SLC25A48: variants seen among roughly 807,000 people sequenced by gnomAD.
SLC25A48 encodes solute carrier family 25 member 48, also known as CTC-321K16.1.
A neutral mutation model predicts 32.2 loss-of-function variants in SLC25A48; 29 were observed. The ratio of observed to expected loss-of-function variants is 0.90; its 90% CI spans 0.67 to 1.23. SLC25A48 has a LOEUF of 1.23. Ranked by LOEUF, SLC25A48 falls within the 50% of genes most tolerant of loss-of-function variation. The pLI is 0.00. For synonymous variants in SLC25A48, 164 were observed against 172.3 expected, an observed-to-expected ratio of 0.95 and a Z score of 0.38; for missense variants, 399 against 422.7, an observed-to-expected ratio of 0.94 and a Z score of 0.49.
Position 135,822,598 on chromosome 5 carries a change from G to T in SLC25A48, c.-117+9672G>T, listed in dbSNP as rs576666730. On this transcript the variant is annotated intron_variant, in intron 4 of 10. Transcript: ENST00000646290. ...AATTTCCCTCATCTTATAGGGACAAGCCATTGGATTTAGGGCCCACCCTGA... is the reference window on the plus strand; with the variant it reads ...AATTTCCCTCATCTTATAGGGACAATCCATTGGATTTAGGGCCCACCCTGA... 3.9e-5 allele frequency among the ~76,000 whole-genome samples: 6 copies of T among 152,246 alleles called. No homozygotes were observed. In the South Asian group the frequency reaches 8.3e-4, roughly 21 times the overall value.
chr5:135,836,557 C>T (rs1758525538), intron 1 of SLC25A48, among the ~76,000 whole-genome samples: 1 of 152,110 alleles, frequency 6.6e-6, no homozygotes, highest in African/African-American at 2.4e-5. Flanking sequence ...GAGGTGCAAC[C>T]ATCACCATAA....
chr5:135,823,155 C>T lies in SLC25A48; in HGVS notation c.-117+10229C>T, dbSNP rs1019647226. On this transcript the variant is annotated intron_variant, in intron 4 of 10. Transcript: ENST00000646290. ...AAGGCCCAGGGGCTAGGGTGGGAGT[C>T]GGGAAGGCCAGGGTGGGATTCACGA... is the stretch of plus-strand genomic sequence containing the variant. Among the ~76,000 whole-genome samples the T allele has an allele frequency of 1.6e-4, 25 of 152,096 alleles. No individual in the cohort carries two copies. The Middle Eastern group carries it at 0.01, about 62-fold the overall frequency.
At chr5:135,705,991 C>T (rs2126970046) in intron 3 of SLC25A48, among the ~76,000 whole-genome samples, 1 of 152,326 alleles carries the variant, frequency 6.6e-6, no homozygotes, top group Non-Finnish European at 1.5e-5. Flanking sequence ...GAGTCTCTCA[C>T]CTGTAACTGC....
chr5:135,876,934 T>G (rs1762107943), intron 6 of SLC25A48, among the ~76,000 whole-genome samples: 1 of 152,188 alleles, frequency 6.6e-6, no homozygotes, highest in Admixed American at 6.5e-5. Context: ...CATTCTTGAC[T>G]GTGGCTCGCA....
intron 3 of SLC25A48, among the ~76,000 whole-genome samples, chr5:135,724,542 C>T (rs190120946): frequency 2.2e-3 from 332 of 152,364 alleles, no homozygotes; most frequent in Non-Finnish European, 3.8e-3. Flanking sequence ...GCCAGCCTTC[C>T]TCCACCCCAC....
intron 3 of SLC25A48, among the ~76,000 whole-genome samples, chr5:135,661,219 C>T (rs1753387140): frequency 6.6e-6 from 1 of 152,220 alleles, no homozygotes; most frequent in African/African-American, 2.4e-5. Flanking sequence ...CCTGCAGCTG[C>T]CTCTCTTCCT....
intron 3 of SLC25A48, among the ~76,000 whole-genome samples, chr5:135,669,863 T>C (rs754529399): frequency 6.6e-6 from 1 of 152,214 alleles, no homozygotes; most frequent in Non-Finnish European, 1.5e-5. Flanking sequence ...TCCCCTCCTA[T>C]GCTGAGGAGG....
intron 3 of SLC25A48, among the ~76,000 whole-genome samples, chr5:135,702,298 A>G (rs768009011): frequency 6.6e-5 from 10 of 152,252 alleles, no homozygotes; most frequent in Non-Finnish European, 1.5e-4. Context: ...GGGTTAGGGT[A>G]GGCCCTATAT....
At chr5:135,702,161 C>T (rs896653657) in intron 3 of SLC25A48, among the ~76,000 whole-genome samples, 2 of 152,224 alleles carry the variant, frequency 1.3e-5, no homozygotes, top group African/African-American at 4.8e-5. Context: ...CTCTAACTTA[C>T]CTCTAGTGGG....
At chr5:135,774,700 A>T (rs758617019) in intron 3 of SLC25A48, among the ~76,000 whole-genome samples, 1 of 151,452 alleles carries the variant, frequency 6.6e-6, no homozygotes, top group Non-Finnish European at 1.5e-5. Flanking sequence ...TCCCAATATA[A>T]GGGGGTAAGA....
chr5:135,624,197 T>A (rs1752391218), intron 1 of SLC25A48, among the ~76,000 whole-genome samples: 1 of 152,286 alleles, frequency 6.6e-6, no homozygotes. Flanking sequence ...GGATGAGGCA[T>A]CCTGAGAACC....
At chr5:135,851,236 C>T (rs1377847550) in intron 3 of SLC25A48, among the ~76,000 whole-genome samples, 1 of 152,216 alleles carries the variant, frequency 6.6e-6, no homozygotes, top group Non-Finnish European at 1.5e-5. Flanking sequence ...CTCCTGCAGG[C>T]ACCTAGAGTT....
intron 3 of SLC25A48, among the ~76,000 whole-genome samples, chr5:135,777,166 G>T (rs544017575): frequency 6.6e-6 from 1 of 151,584 alleles, no homozygotes; most frequent in Non-Finnish European, 1.5e-5. Flanking sequence ...CACACCCCCC[G>T]TAATATTGTT....
chr5:135,654,533 T>A (rs1317819916), intron 3 of SLC25A48, among the ~76,000 whole-genome samples: 1 of 152,212 alleles, frequency 6.6e-6, no homozygotes, highest in Non-Finnish European at 1.5e-5. Context: ...AAAGTTGTTA[T>A]AGGTTACAGA....
chr5:135,818,975 T>C (rs1158976113), intron 4 of SLC25A48, among the ~76,000 whole-genome samples: 1 of 151,776 alleles, frequency 6.6e-6, no homozygotes, highest in Non-Finnish European at 1.5e-5. Flanking sequence ...AATGGTGATG[T>C]CAAGAGGAAA....
chr5:135,593,877 C>T (rs1481656694), intron 1 of SLC25A48, among the ~76,000 whole-genome samples: 1 of 152,162 alleles, frequency 6.6e-6, no homozygotes, highest in African/African-American at 2.4e-5. Flanking sequence ...GGAGTCATAG[C>T]TGGGAGAAAT....
intron 3 of SLC25A48, among the ~76,000 whole-genome samples, chr5:135,796,967 A>C (rs1342000911): frequency 6.6e-6 from 1 of 151,710 alleles, no homozygotes; most frequent in Non-Finnish European, 1.5e-5. Flanking sequence ...TTCTCCCAAT[A>C]TCAAGGGTGG....
chr5:135,777,075 TTGTACATTCTC>T (rs979347839), intron 3 of SLC25A48, among the ~76,000 whole-genome samples: 3 of 150,850 alleles, frequency 2.0e-5, no homozygotes, highest in African/African-American at 7.3e-5. Flanking sequence ...ATCGCAGGGG[TTGTACATTCTC>T]CCTGTGATAT....
chr5:135,651,926 C>T (rs1052916665), intron 3 of SLC25A48, among the ~76,000 whole-genome samples: 16 of 152,192 alleles, frequency 1.1e-4, no homozygotes, highest in South Asian at 2.1e-4. Context: ...GGATGGATCT[C>T]TCTCATAATG....
Sources: gnomAD v4.1 joint callset for allele counts (sites outside exome capture counted in the v4.1 genomes callset) on GRCh38, gnomAD v4.1.1 for gene constraint, MANE v1.5 for transcripts, NCBI Gene and HGNC (gene_info 2026-07-23, HGNC 2026-07-21) for gene names.